The following TUSC3 variants were observed in gnomAD, a reference collection of about 807,000 sequenced individuals.
The protein encoded by TUSC3 is tumor suppressor candidate 3.
In TUSC3, 45 loss-of-function variants were observed where a neutral mutation model predicts 44.8. The observed-to-expected ratio is 1.00, with a 90% CI of 0.79 to 1.29. TUSC3 has a LOEUF of 1.29. Among genes scored for constraint, TUSC3 ranks in the 50% most tolerant of loss-of-function variants. TUSC3 has a pLI of 0.00. For synonymous variants in TUSC3, 212 were observed against 152.9 expected (o/e 1.39, Z -2.85); for missense variants, 519 against 437.9 (o/e 1.19, Z -1.65).
chr8:15,512,025 A>G (rs1222338987), intron 2 of TUSC3, among the ~76,000 whole-genome samples: 1 of 152,234 alleles, frequency 6.6e-6, no homozygotes, highest in Non-Finnish European at 1.5e-5. Context: ...TCTAAAGTTC[A>G]TATGGAAATG....
intron 2 of TUSC3, among the ~76,000 whole-genome samples, chr8:15,534,994 C>G (rs1189494328): frequency 6.6e-6 from 1 of 152,156 alleles, no homozygotes; most frequent in Non-Finnish European, 1.5e-5. Flanking sequence ...GTCTATTAAG[C>G]TAGGTTACAG....
At chr8:15,559,252 T>C (rs200380042) in intron 1 of TUSC3, among the ~76,000 whole-genome samples, 4,803 of 116,560 alleles carry the variant, frequency 0.041, 118 homozygotes, top group Middle Eastern at 0.062. Context: ...GCCTTCATTT[T>C]GTTATGTACC....
At chr8:15,513,563 C>A (rs1012194033) in intron 2 of TUSC3, among the ~76,000 whole-genome samples, 2 of 152,126 alleles carry the variant, frequency 1.3e-5, no homozygotes, top group African/African-American at 4.8e-5. Flanking sequence ...CCTTTTTAGA[C>A]TCAAGAACGT....
rs916482226 is a variant in TUSC3, at chr8:15,728,548, A to C, written c.799-2118A>C. 2.0e-5 allele frequency among the ~76,000 whole-genome samples: 3 copies of C among 152,284 alleles called. No homozygotes were observed. The South Asian group carries it at 6.2e-4, about 32-fold the overall frequency. On this transcript the variant is annotated intron_variant, in intron 6 of 10. Coordinates refer to ENST00000503731, the MANE Select transcript of TUSC3 (RefSeq NM_006765.4). ...AGGACAGAGACACAAAGGTGATTCC[A>C]GGATTTTTGCCTAAACAACTGGAAA...
At chr8:15,606,981 T>C (rs939587485) in intron 1 of TUSC3, among the ~76,000 whole-genome samples, 1 of 152,114 alleles carries the variant, frequency 6.6e-6, no homozygotes, top group Middle Eastern at 3.4e-3. Context: ...AAGTACAATG[T>C]TTTATAATAT....
chr8:15,582,657 T>C (rs1803418323), intron 1 of TUSC3, among the ~76,000 whole-genome samples: 2 of 152,186 alleles, frequency 1.3e-5, no homozygotes, highest in Non-Finnish European at 1.5e-5. Context: ...GATAAAGCAC[T>C]GGTCACATGA....
At chr8:15,811,689 G>A in the TUSC3 span, among the ~76,000 whole-genome samples, 19 of 152,328 alleles carry the variant, frequency 1.2e-4, no homozygotes, top group East Asian at 1.4e-3. Context: ...CAAATGAGGA[G>A]AGGGGTGAAG....
At chr8:15,815,316 G>C in the TUSC3 span, among the ~76,000 whole-genome samples, 2 of 152,050 alleles carry the variant, frequency 1.3e-5, no homozygotes, top group African/African-American at 4.8e-5. Flanking sequence ...AAGGTTCTTG[G>C]GGGGCAGGAT....
intron 2 of TUSC3, among the ~76,000 whole-genome samples, chr8:15,512,622 A>G (rs2129128322): frequency 6.6e-6 from 1 of 152,040 alleles, no homozygotes; most frequent in African/African-American, 2.4e-5. Context: ...AAAATACAAA[A>G]ATTAGCTTGG....
chr8:15,464,405 A>G (rs1023365061), intron 1 of TUSC3, among the ~76,000 whole-genome samples: 1 of 152,118 alleles, frequency 6.6e-6, no homozygotes, highest in Non-Finnish European at 1.5e-5. Flanking sequence ...TTCAACAAAT[A>G]TTTCTTGGAT....
At chr8:15,570,261 A>G (rs1802822246) in intron 1 of TUSC3, among the ~76,000 whole-genome samples, 1 of 101,400 alleles carries the variant, frequency 9.9e-6, no homozygotes, top group African/African-American at 3.3e-5. Context: ...TTTATAATGT[A>G]TTTTACACAC....
chr8:15,682,361 A>T (rs189836808), intron 6 of TUSC3, among the ~76,000 whole-genome samples: 22 of 152,296 alleles, frequency 1.4e-4, no homozygotes, highest in Non-Finnish European at 2.6e-4. Flanking sequence ...TTGGATTCAT[A>T]TATATTTAAG....
chr8:15,592,762 C>G (rs1307579276), intron 1 of TUSC3, among the ~76,000 whole-genome samples: 5 of 152,234 alleles, frequency 3.3e-5, no homozygotes, highest in Admixed American at 6.5e-5. Flanking sequence ...CAAAACAGTA[C>G]TGTTCTGAGT....
Position 15,497,843 on chromosome 8 carries a change from C to T in TUSC3, n.189+14360C>T, listed in dbSNP as rs544425927. 3.9e-5 allele frequency among the ~76,000 whole-genome samples: 6 copies of T among 151,972 alleles called. No individual in the cohort carries two copies. The South Asian group carries it at 1.2e-3, about 32-fold the overall frequency. On this transcript the variant is annotated intron_variant and non_coding_transcript_variant, in intron 2 of 5. Transcript: ENST00000503191. ...CACTGCAACCTCCGCCTCCCGGGTTCAAGTGATTCTCCTGCCTCAGCCTCC... is the reference window on the plus strand; with the variant it reads ...CACTGCAACCTCCGCCTCCCGGGTTTAAGTGATTCTCCTGCCTCAGCCTCC...
intron 1 of TUSC3, among the ~76,000 whole-genome samples, chr8:15,615,238 C>T (rs1382772627): frequency 6.6e-6 from 1 of 152,116 alleles, no homozygotes; most frequent in East Asian, 1.9e-4. Flanking sequence ...GAATGGATAA[C>T]AAAAGTGTTG....
intron 7 of TUSC3, among the ~76,000 whole-genome samples, chr8:15,738,823 C>CTTTTTTT (rs1216874000): frequency 1.0e-5 from 1 of 95,684 alleles, no homozygotes; most frequent in Non-Finnish European, 2.0e-5. Flanking sequence ...ATTAATATAT[C>CTTTTTTT]TTGCTTTTTT....
At chr8:15,725,348 A>T (rs1295857701) in intron 6 of TUSC3, among the ~76,000 whole-genome samples, 1 of 152,200 alleles carries the variant, frequency 6.6e-6, no homozygotes, top group Non-Finnish European at 1.5e-5. Context: ...TAACTAAAGC[A>T]GTCATTGTTA....
At position 15,433,299 on chromosome 8, in the gene TUSC3, A is replaced by T. The variant is rs138962271; in HGVS notation, n.91+15994A>T. On this transcript the variant is annotated intron_variant and non_coding_transcript_variant, in intron 1 of 5. Coordinates refer to the TUSC3 transcript ENST00000503191. ...ACTGGAACATGGTCAGATTGAGGCC[A>T]CACCAATGAAGTCAAATTTGGTGTC... 6.9e-3 allele frequency among the ~76,000 whole-genome samples: 1,054 copies of T among 152,302 alleles called. 10 individuals are homozygous for T. Among genetic ancestry groups the T allele is most frequent in the African/African-American group, 0.024 (990 of 41,562 alleles).
chr8:15,704,562 G>A (rs1161311082), intron 6 of TUSC3, among the ~76,000 whole-genome samples: 3 of 151,988 alleles, frequency 2.0e-5, no homozygotes, highest in African/African-American at 4.8e-5. Context: ...GTTCTCGTTC[G>A]GTTTATGACA....
Sources: gnomAD v4.1 joint callset for allele counts (sites outside exome capture counted in the v4.1 genomes callset) on GRCh38, gnomAD v4.1.1 for gene constraint, MANE v1.5 for transcripts, NCBI Gene and HGNC (gene_info 2026-07-23, HGNC 2026-07-21) for gene names.